CSMD1: variants seen among roughly 807,000 people sequenced by gnomAD.
CSMD1 encodes the protein CUB and Sushi multiple domains 1.
A neutral mutation model predicts 417.5 loss-of-function variants in CSMD1; 213 were observed. The ratio of observed to expected loss-of-function variants is 0.51; its 90% CI spans 0.46 to 0.57. The LOEUF (loss-of-function observed/expected upper bound fraction) is 0.57. Ranked by LOEUF, CSMD1 falls within the 20% of genes least tolerant of loss-of-function variation. The pLI is 0.00. For missense variants in CSMD1, 6,923 were observed against 4,529.7 expected (o/e 1.53, Z -15.17); for synonymous variants, 2,862 against 1,736.8 (o/e 1.65, Z -16.11).
intron 7 of CSMD1, among the ~76,000 whole-genome samples, chr8:3,673,022 G>C (rs1181646462): frequency 6.6e-6 from 1 of 152,082 alleles, no homozygotes; most frequent in Non-Finnish European, 1.5e-5. Flanking sequence ...CTTGTTTAAG[G>C]TTCATTTCAT....
chr8:3,575,165 C>A (rs1246736084), intron 9 of CSMD1, 99 bp from the exon 10 acceptor site: 65 of 984,460 alleles, frequency 6.6e-5, no homozygotes, highest in African/African-American at 5.7e-4. Flanking sequence ...ATTATCTAAT[C>A]ACAGTAAAAA....
In CSMD1 at chr8:3,621,374, A is replaced by G. The variant is rs142489643; in HGVS notation, c.1010-4577T>C. 9.0e-4 allele frequency among the ~76,000 whole-genome samples: 137 copies of G among 152,272 alleles called. 1 individual carries two copies. The highest frequency in any genetic ancestry group is 3.2e-3 in the African/African-American group (135 of 41,556). Reference sequence around the variant, plus strand: ...GCGTAAGGACACAAAGAGGTTAAAAACGAAGAGTAATCAAAGTCAGAGAGC... The same window carrying G: ...GCGTAAGGACACAAAGAGGTTAAAAGCGAAGAGTAATCAAAGTCAGAGAGC... On this transcript the variant is annotated intron_variant, in intron 7 of 69. Transcript: ENST00000635120.
chr8:4,133,707 G>C (rs1803248023), intron 3 of CSMD1, among the ~76,000 whole-genome samples: 1 of 8,356 alleles, frequency 1.2e-4, no homozygotes, highest in African/African-American at 1.3e-4. Flanking sequence ...AATACATAAA[G>C]TGTAATCTCA....
chr8:3,265,562 G>T (rs531970466), intron 26 of CSMD1, among the ~76,000 whole-genome samples: 4 of 152,170 alleles, frequency 2.6e-5, no homozygotes, highest in Non-Finnish European at 4.4e-5. Flanking sequence ...TGTTACCTGG[G>T]AATTTGAAGG....
chr8:3,762,898 G>A (rs1236125883), intron 5 of CSMD1, among the ~76,000 whole-genome samples: 1 of 152,204 alleles, frequency 6.6e-6, no homozygotes, highest in African/African-American at 2.4e-5. Flanking sequence ...AGCTGCTACT[G>A]AATAAAATCA....
At chr8:3,140,925 G>A (rs1301390482) in intron 41 of CSMD1, among the ~76,000 whole-genome samples, 2 of 152,168 alleles carry the variant, frequency 1.3e-5, no homozygotes, top group Non-Finnish European at 1.5e-5. Flanking sequence ...TTCAATCACT[G>A]ATTTTTTTTC....
intron 31 of CSMD1, among the ~76,000 whole-genome samples, chr8:3,204,209 T>C (rs1250725852): frequency 6.6e-6 from 1 of 152,178 alleles, no homozygotes; most frequent in Admixed American, 6.5e-5. Flanking sequence ...ATAAACGATA[T>C]TTAGGATATG....
chr8:3,636,068 A>G lies in CSMD1; in HGVS notation c.1010-19271T>C, dbSNP rs192111178. 7.8e-4 allele frequency among the ~76,000 whole-genome samples: 93 copies of G among 119,018 alleles called. 1 individual carries two copies. Among genetic ancestry groups the G allele is most frequent in the African/African-American group, 2.6e-3 (87 of 33,748 alleles). The allele number at this position is 119,018 out of a possible 152,430, so 78.1% of individuals were successfully genotyped here. On this transcript the variant is annotated intron_variant, in intron 7 of 69. Coordinates refer to ENST00000635120, the MANE Select transcript of CSMD1 (RefSeq NM_033225.6). ...TATCCTTACTCTATAAGCTTTTTCT[A>G]TTTTATTATTTTTTTGTACTTTTTG...
At chr8:4,581,793 T>G (rs1315938695) in intron 2 of CSMD1, among the ~76,000 whole-genome samples, 1 of 152,164 alleles carries the variant, frequency 6.6e-6, no homozygotes, top group African/African-American at 2.4e-5. Context: ...TGGCTATTGC[T>G]AGGCTCTGAG....
intron 1 of CSMD1, among the ~76,000 whole-genome samples, chr8:4,901,508 G>C (rs1361138096): frequency 6.6e-6 from 1 of 151,574 alleles, no homozygotes; most frequent in Non-Finnish European, 1.5e-5. Context: ...ATCTTTGTGA[G>C]CTTAAAATTA....
Position 3,202,908 on chromosome 8 carries a change from G to A in CSMD1, c.4985-1183C>T, listed in dbSNP as rs376537558. Among the ~76,000 whole-genome samples, 20 of 152,222 alleles carry A rather than the reference G, an allele frequency of 1.3e-4. No individual in the cohort carries two copies. The East Asian group carries it at 2.5e-3, about 19-fold the overall frequency. On this transcript the variant is annotated intron_variant, in intron 31 of 69. Coordinates refer to ENST00000635120, the MANE Select transcript of CSMD1 (RefSeq NM_033225.6). ...GGCTAGGTGAATTTTCCCAATAGAT[G>A]AAATGCTCTAAAAACTTTTTTCAGG...
At chr8:2,974,124 G>A (rs115678371) in intron 56 of CSMD1, among the ~76,000 whole-genome samples, 1,783 of 151,324 alleles carry the variant, frequency 0.012, 52 homozygotes, top group African/African-American at 0.041. Context: ...GATGGTAGAG[G>A]GAGGGAAAAT....
At chr8:3,933,177 C>G (rs945721612) in intron 5 of CSMD1, among the ~76,000 whole-genome samples, 1 of 135,634 alleles carries the variant, frequency 7.4e-6, no homozygotes, top group Non-Finnish European at 1.6e-5. Context: ...CGTGGTAATA[C>G]CTAGTGAATC....
chr8:3,837,933 TA>T (rs1802815784), intron 5 of CSMD1, among the ~76,000 whole-genome samples: 2 of 152,158 alleles, frequency 1.3e-5, no homozygotes, highest in South Asian at 4.1e-4. Context: ...GTTTTTCAAA[TA>T]AATGTCCTTT....
In CSMD1 at chr8:4,121,932, T is replaced by A. The variant is rs76920211; in HGVS notation, c.416-89833A>T. On this transcript the variant is annotated intron_variant, in intron 3 of 69. Coordinates refer to ENST00000635120, the MANE Select transcript of CSMD1 (RefSeq NM_033225.6). ...GAATCACACATCACACTCCCTGATTTTATATTAAATGATTAGTGAATTTAA... is the reference window on the plus strand; with the variant it reads ...GAATCACACATCACACTCCCTGATTATATATTAAATGATTAGTGAATTTAA... Among the ~76,000 whole-genome samples the A allele has an allele frequency of 4.9e-3, 743 of 152,226 alleles. 6 individuals carry two copies. The highest frequency in any genetic ancestry group is 7.9e-3 in the Non-Finnish European group (536 of 68,008).
intron 12 of CSMD1, among the ~76,000 whole-genome samples, chr8:3,423,546 G>A (rs142926955): frequency 6.6e-6 from 1 of 152,046 alleles, no homozygotes; most frequent in Non-Finnish European, 1.5e-5. Flanking sequence ...TCCACTGTGT[G>A]GCTTTGGCAC....
intron 2 of CSMD1, among the ~76,000 whole-genome samples, chr8:4,489,714 C>A (rs1154088): frequency 0.72 from 109,801 of 152,072 alleles, 40,668 homozygotes; most frequent in East Asian, 0.83. Flanking sequence ...ACCCTCCCTG[C>A]TCACACCCTG....
chr8:4,968,273 T>C (rs1050562021), intron 1 of CSMD1, among the ~76,000 whole-genome samples: 2 of 152,190 alleles, frequency 1.3e-5, no homozygotes, highest in African/African-American at 4.8e-5. Context: ...CTACAAAGTC[T>C]GCCAATTTCA....
At chr8:3,915,467 C>A (rs981624617) in intron 5 of CSMD1, among the ~76,000 whole-genome samples, 1 of 147,280 alleles carries the variant, frequency 6.8e-6, no homozygotes, top group Non-Finnish European at 1.5e-5. Context: ...ACTTCAAGGA[C>A]TTCAGGGAAG....
Sources: gnomAD v4.1 joint callset for allele counts (sites outside exome capture counted in the v4.1 genomes callset) on GRCh38, gnomAD v4.1.1 for gene constraint, MANE v1.5 for transcripts, NCBI Gene and HGNC (gene_info 2026-07-23, HGNC 2026-07-21) for gene names.